The following DRD2 variants were observed in gnomAD, a reference collection of about 807,000 sequenced individuals.
DRD2 encodes the protein D(2) dopamine receptor.
Under a neutral mutation model 38.0 loss-of-function variants are expected in DRD2, and 8 were observed. That is an observed-to-expected ratio of 0.21 (90% CI 0.12 to 0.38). DRD2 has a LOEUF of 0.38. DRD2 is among the 10% of genes least tolerant of loss of function. DRD2 has a pLI of 1.00. For synonymous variants in DRD2, 230 were observed against 238.6 expected (o/e 0.96, Z 0.33); for missense variants, 403 against 607.7 (o/e 0.66, Z 3.54).
chr11:113,472,824 G>A (rs1447601888), intron 1 of DRD2, among the ~76,000 whole-genome samples: 1 of 152,200 alleles, frequency 6.6e-6, no homozygotes. Context: ...CCCATAGAGG[G>A]ACAGTTAGTA....
intron 1 of DRD2, among the ~76,000 whole-genome samples, chr11:113,473,443 A>C (rs1273171817): frequency 6.6e-6 from 1 of 152,178 alleles, no homozygotes; most frequent in Non-Finnish European, 1.5e-5. Context: ...TAAAAAGAAA[A>C]AAACCCTTAG....
chr11:113,413,417 C>T, intron 6 of DRD2: 1 of 512,670 alleles, frequency 2.0e-6, no homozygotes, highest in Non-Finnish European at 3.9e-6. Context: ...TGGGGCCCCA[C>T]ATCTTCCCTG....
intron 1 of DRD2, among the ~76,000 whole-genome samples, chr11:113,461,508 C>T (rs1252496921): frequency 6.6e-6 from 1 of 152,160 alleles, no homozygotes; most frequent in Non-Finnish European, 1.5e-5. Context: ...GGGGTTGTTA[C>T]TATTATTACT....
chr11:113,418,165 C>CAA, intron 2 of DRD2, 29 bp from the exon 3 acceptor site: 7 of 1,579,944 alleles, frequency 4.4e-6, no homozygotes, highest in Non-Finnish European at 6.1e-6. Flanking sequence ...AATGGATGGA[C>CAA]AGCAGGAGTG....
intron 1 of DRD2, among the ~76,000 whole-genome samples, chr11:113,450,559 G>A (rs903701458): frequency 6.6e-6 from 1 of 152,226 alleles, no homozygotes; most frequent in African/African-American, 2.4e-5. Context: ...TAATAAAATA[G>A]TCTGAGACCA....
At chr11:113,468,549 T>C (rs1951391528) in intron 1 of DRD2, among the ~76,000 whole-genome samples, 1 of 152,066 alleles carries the variant, frequency 6.6e-6, no homozygotes, top group African/African-American at 2.4e-5. Flanking sequence ...TTTTGTTTGT[T>C]TGTTTGTTTG....
In DRD2 at chr11:113,424,613, C is replaced by T; in HGVS notation, c.39G>A (p.Leu13=). ...AGGGCCGGCTCCAGTTCTGCCTCTC[C>T]AGATCATCATCATACCAGGACAGAT... ...PLNLSWYDDD[L]ERQNWSRPFN... Residue 13 remains leucine, a synonymous_variant, in exon 2 of 8, where the codon CTG becomes CTA. Transcript: ENST00000362072. The T allele has an allele frequency of 1.2e-6, 2 of 1,614,214 alleles. No individual in the cohort carries two copies. The highest frequency in any genetic ancestry group is 1.7e-6 in the Non-Finnish European group (2 of 1,180,042).
intron 7 of DRD2, 128 bp from the exon 8 acceptor site, chr11:113,411,048 G>A: frequency 2.9e-6 from 3 of 1,030,852 alleles, no homozygotes; most frequent in Non-Finnish European, 4.2e-6. Flanking sequence ...ACTGTAGGAG[G>A]AGTCCAGGTC....
At chr11:113,421,603 T>C (rs897611697) in intron 2 of DRD2, among the ~76,000 whole-genome samples, 7 of 116,846 alleles carry the variant, frequency 6.0e-5, no homozygotes, top group Non-Finnish European at 1.2e-4. Flanking sequence ...AAAACCAGCG[T>C]GCTTTTCATA....
At chr11:113,474,708 C>T (rs1471201638) in intron 1 of DRD2, among the ~76,000 whole-genome samples, 3 of 151,996 alleles carry the variant, frequency 2.0e-5, no homozygotes, top group African/African-American at 4.8e-5. Context: ...GGGAAGTGCC[C>T]TCCCGAGATT....
chr11:113,442,103 T>C (rs1228764223), intron 1 of DRD2, among the ~76,000 whole-genome samples: 1 of 152,074 alleles, frequency 6.6e-6, no homozygotes, highest in Non-Finnish European at 1.5e-5. Context: ...ACAGCATGGG[T>C]GTAGGGGCAT....
intron 1 of DRD2, among the ~76,000 whole-genome samples, chr11:113,468,735 A>C (rs1218152468): frequency 6.6e-6 from 1 of 152,062 alleles, no homozygotes; most frequent in Non-Finnish European, 1.5e-5. Context: ...TTTAGTAGAG[A>C]TGGGGTTTCA....
chr11:113,464,787 C>A (rs1951352658), intron 1 of DRD2, among the ~76,000 whole-genome samples: 1 of 152,202 alleles, frequency 6.6e-6, no homozygotes, highest in South Asian at 2.1e-4. Flanking sequence ...ATTCTATCAG[C>A]CTATCTTCCC....
At chr11:113,422,687 G>A in intron 2 of DRD2, among the ~76,000 whole-genome samples, 1 of 152,154 alleles carries the variant, frequency 6.6e-6, no homozygotes, top group East Asian at 1.9e-4. Flanking sequence ...TGCATTGGCT[G>A]TAGTAAAGGA....
At chr11:113,428,051 C>T (rs1055603083) in intron 1 of DRD2, among the ~76,000 whole-genome samples, 1 of 152,168 alleles carries the variant, frequency 6.6e-6, no homozygotes, top group African/African-American at 2.4e-5. Context: ...GCCCTGTTGA[C>T]ACCTTGATCT....
At chr11:113,424,253 C>G (rs1950914439) in intron 2 of DRD2, 114 bp downstream of exon 2, 5 of 1,224,530 alleles carry the variant, frequency 4.1e-6, no homozygotes, top group African/African-American at 3.0e-5. Context: ...GAAAAACCAC[C>G]TGGGGAAGCA....
intron 1 of DRD2, among the ~76,000 whole-genome samples, chr11:113,471,564 C>T (rs1353612865): frequency 6.6e-6 from 1 of 152,150 alleles, no homozygotes; most frequent in East Asian, 1.9e-4. Context: ...AACCTGTGTC[C>T]TTTCTGCTGC....
At chr11:113,447,724 C>T (rs1264122807) in intron 1 of DRD2, 2 of 152,232 alleles carry the variant, frequency 1.3e-5, no homozygotes, top group Non-Finnish European at 2.9e-5. Context: ...CATCTGGCTT[C>T]TGGCCCCTGC....
intron 1 of DRD2, among the ~76,000 whole-genome samples, chr11:113,452,503 A>C: frequency 6.8e-6 from 1 of 147,346 alleles, no homozygotes; most frequent in African/African-American, 2.5e-5. Context: ...GGGGGACAGG[A>C]AATGAGACAC....
Sources: gnomAD v4.1 joint callset for allele counts (sites outside exome capture counted in the v4.1 genomes callset) on GRCh38, gnomAD v4.1.1 for gene constraint, MANE v1.5 for transcripts, NCBI Gene and HGNC (gene_info 2026-07-23, HGNC 2026-07-21) for gene names.